Variants in HS3ST4 observed in about 807,000 individuals in gnomAD.
HS3ST4 encodes heparan sulfate glucosamine 3-O-sulfotransferase 4.
A neutral mutation model predicts 29.2 loss-of-function variants in HS3ST4; 17 were observed. The observed-to-expected ratio is 0.58, with a 90% CI of 0.40 to 0.87. The LOEUF is 0.87. HS3ST4 is among the 40% of genes least tolerant of loss of function. HS3ST4 has a pLI of 0.00. For synonymous variants in HS3ST4, 314 were observed against 285.7 expected (o/e 1.10, Z -1.00); for missense variants, 627 against 634.5 (o/e 0.99, Z 0.13).
intron 1 of HS3ST4, among the ~76,000 whole-genome samples, chr16:26,109,502 T>C (rs1260067472): frequency 1.3e-5 from 2 of 151,470 alleles, no homozygotes; most frequent in Non-Finnish European, 2.9e-5. Context: ...TCCCTGACAG[T>C]GTATCAAGGA....
chr16:25,776,770 C>CT (rs1362654475), intron 1 of HS3ST4, among the ~76,000 whole-genome samples: 2 of 152,174 alleles, frequency 1.3e-5, no homozygotes, highest in Non-Finnish European at 2.9e-5. Context: ...TTCTTCAGTT[C>CT]TTTCCTTGTT....
At position 26,092,691 on chromosome 16, in the gene HS3ST4, A is replaced by C. The variant is rs146562852; in HGVS notation, c.735-42921A>C. Among the ~76,000 whole-genome samples, 1,063 of 152,226 alleles carry C rather than the reference A, an allele frequency of 7.0e-3. 16 individuals carry two copies. Among genetic ancestry groups the C allele is most frequent in the African/African-American group, 0.025 (1,025 of 41,526 alleles). ...GTGTGATTGATGCAGAAGATGGGTG[A>C]TTTCTGCATTTCCAACTGAGGCACC... On this transcript the variant is annotated intron_variant, in intron 1 of 1. Coordinates refer to ENST00000331351, the MANE Select transcript of HS3ST4 (RefSeq NM_006040.3).
chr16:26,059,465 G>A (rs1898449878), intron 1 of HS3ST4, among the ~76,000 whole-genome samples: 2 of 152,072 alleles, frequency 1.3e-5, no homozygotes, highest in African/African-American at 4.8e-5. Context: ...GGGCGGAGAG[G>A]GTCCTTTAGC....
intron 1 of HS3ST4, among the ~76,000 whole-genome samples, chr16:25,995,939 C>A (rs1051708537): frequency 6.7e-6 from 1 of 150,362 alleles, no homozygotes; most frequent in Non-Finnish European, 1.5e-5. Context: ...TGTATTGGAA[C>A]AGCGATTGTG....
intron 1 of HS3ST4, among the ~76,000 whole-genome samples, chr16:25,697,882 AG>A (rs1357964417): frequency 6.6e-6 from 1 of 152,088 alleles, no homozygotes; most frequent in Admixed American, 6.6e-5. Flanking sequence ...CATGTTGGCC[AG>A]GATGGTCTCG....
chr16:26,060,468 C>G (rs1249343292), intron 1 of HS3ST4, among the ~76,000 whole-genome samples: 1 of 152,184 alleles, frequency 6.6e-6, no homozygotes, highest in Non-Finnish European at 1.5e-5. Context: ...TTCCTGCTTC[C>G]TGCTCTCCAA....
intron 1 of HS3ST4, among the ~76,000 whole-genome samples, chr16:25,943,049 A>C (rs906663491): frequency 6.6e-6 from 1 of 152,222 alleles, no homozygotes; most frequent in African/African-American, 2.4e-5. Context: ...GATAACACTA[A>C]CCATAACCAT....
intron 1 of HS3ST4, among the ~76,000 whole-genome samples, chr16:25,736,258 CT>C (rs1966609361): frequency 1.3e-5 from 2 of 152,162 alleles, no homozygotes; most frequent in East Asian, 3.9e-4. Flanking sequence ...TATGACCACC[CT>C]TTGTCATCAT....
At chr16:25,707,151 A>T (rs1966381077) in intron 1 of HS3ST4, among the ~76,000 whole-genome samples, 1 of 152,170 alleles carries the variant, frequency 6.6e-6, no homozygotes, top group Non-Finnish European at 1.5e-5. Context: ...AGTAACCTTT[A>T]CTTTACTTAA....
At chr16:25,942,861 A>G (rs533801006) in intron 1 of HS3ST4, among the ~76,000 whole-genome samples, 1 of 152,192 alleles carries the variant, frequency 6.6e-6, no homozygotes, top group East Asian at 1.9e-4. Flanking sequence ...GCCTCAAGCA[A>G]TCCTCCCACT....
intron 1 of HS3ST4, among the ~76,000 whole-genome samples, chr16:26,124,286 A>C (rs929222718): frequency 1.3e-5 from 2 of 152,118 alleles, no homozygotes; most frequent in Non-Finnish European, 2.9e-5. Flanking sequence ...AGTTCCTGCC[A>C]TGCTATAGTT....
rs749096956 is a variant in HS3ST4 at position 25,778,136 on chromosome 16, A to AT, written c.734+84985_734+84986insT. Among the ~76,000 whole-genome samples, 956 of 146,382 alleles carry AT rather than the reference A, an allele frequency of 6.5e-3. 6 individuals carry two copies. The highest frequency in any genetic ancestry group is 0.01 in the Non-Finnish European group (659 of 65,676). The stretch of plus-strand genomic sequence containing the variant: ...TACTCATATACACACATACATACTA[A>AT]AATATATATATATATTTTTTCTACA... On this transcript the variant is annotated intron_variant, in intron 1 of 1. Transcript: ENST00000331351.
intron 1 of HS3ST4, among the ~76,000 whole-genome samples, chr16:26,092,563 A>G (rs1166440416): frequency 2.0e-5 from 3 of 152,188 alleles, no homozygotes; most frequent in Non-Finnish European, 2.9e-5. Flanking sequence ...TGCTTAGTAT[A>G]TGTTTATTGA....
At chr16:26,129,063 C>T (rs977085636) in intron 1 of HS3ST4, among the ~76,000 whole-genome samples, 2 of 152,218 alleles carry the variant, frequency 1.3e-5, no homozygotes, top group Non-Finnish European at 2.9e-5. Flanking sequence ...AGAGAATGGG[C>T]ACTTTATATC....
At chr16:26,045,041 G>A (rs112656583) in intron 1 of HS3ST4, among the ~76,000 whole-genome samples, 140 of 152,240 alleles carry the variant, frequency 9.2e-4, no homozygotes, top group African/African-American at 3.2e-3. Flanking sequence ...GAGCCCATGC[G>A]GCTGTGTAAT....
intron 1 of HS3ST4, among the ~76,000 whole-genome samples, chr16:26,119,466 A>T (rs1376429335): frequency 6.6e-6 from 1 of 152,226 alleles, no homozygotes; most frequent in Non-Finnish European, 1.5e-5. Flanking sequence ...TAAGGAAACA[A>T]GGAATCCGTG....
intron 1 of HS3ST4, among the ~76,000 whole-genome samples, chr16:25,708,694 G>A (rs1420665434): frequency 2.6e-5 from 4 of 152,134 alleles, no homozygotes; most frequent in Non-Finnish European, 4.4e-5. Flanking sequence ...GAGAACCATG[G>A]ATTTCCTCAT....
intron 1 of HS3ST4, among the ~76,000 whole-genome samples, chr16:25,835,090 C>T (rs1172669573): frequency 6.6e-6 from 1 of 152,192 alleles, no homozygotes; most frequent in East Asian, 1.9e-4. Flanking sequence ...GGTTTTATTT[C>T]TTTAGCTAAG....
intron 1 of HS3ST4, among the ~76,000 whole-genome samples, chr16:25,798,221 G>A (rs1168863190): frequency 6.6e-6 from 1 of 152,188 alleles, no homozygotes; most frequent in Non-Finnish European, 1.5e-5. Context: ...GTGATTCCTG[G>A]TGTTAGGTGG....
Sources: allele counts gnomAD v4.1 joint callset (sites outside exome capture counted in the v4.1 genomes callset), GRCh38; gene constraint gnomAD v4.1.1; transcripts MANE v1.5; gene names NCBI Gene and HGNC (gene_info 2026-07-23, HGNC 2026-07-21).